TNR: variants seen among roughly 807,000 people sequenced by gnomAD.
The protein encoded by TNR is tenascin-R.
A neutral mutation model predicts 150.4 loss-of-function variants in TNR; 45 were observed. That is an observed-to-expected ratio of 0.30 (90% confidence interval 0.24 to 0.38). The LOEUF is 0.38. Among genes scored for constraint, TNR ranks in the 10% least tolerant of loss-of-function variants. The pLI is 1.00. For missense variants in TNR, 1,544 were observed against 1,759.1 expected (o/e 0.88, Z 2.19); for synonymous variants, 687 against 678.4 (o/e 1.01, Z -0.20).
At chr1:175,713,113 A>G (rs958173467) in intron 1 of TNR, among the ~76,000 whole-genome samples, 5 of 152,218 alleles carry the variant, frequency 3.3e-5, no homozygotes, top group African/African-American at 1.2e-4. Context: ...GCTGGACGAT[A>G]GGCTGGGATC....
rs1651535948 is a variant in TNR, at chr1:175,360,399, G to A, written c.2855-668C>T. ...CTTTTTGTTGCATTAAGAGTCAAGAGGATTCTTCCAGGCTTAGGTAGGTCA... is the reference window on the plus strand; with the variant it reads ...CTTTTTGTTGCATTAAGAGTCAAGAAGATTCTTCCAGGCTTAGGTAGGTCA... On this transcript the variant is annotated intron_variant, in intron 14 of 22. Coordinates refer to ENST00000367674, the MANE Select transcript of TNR (RefSeq NM_003285.3). 2.0e-5 allele frequency among the ~76,000 whole-genome samples: 3 copies of A among 152,318 alleles called. No homozygotes were observed. In the South Asian group the frequency reaches 6.2e-4, roughly 32 times the overall value.
chr1:175,662,046 T>C (rs1665392581), intron 1 of TNR, among the ~76,000 whole-genome samples: 1 of 152,092 alleles, frequency 6.6e-6, no homozygotes, highest in African/African-American at 2.4e-5. Context: ...GACACTTGCC[T>C]GTCTTCATGT....
intron 1 of TNR, among the ~76,000 whole-genome samples, chr1:175,665,278 C>G (rs1456116481): frequency 6.6e-6 from 1 of 152,158 alleles, no homozygotes; most frequent in African/African-American, 2.4e-5. Flanking sequence ...TCCTGGTATA[C>G]TAATTCTGTG....
chr1:175,721,451 C>T (rs1667296161), intron 1 of TNR, among the ~76,000 whole-genome samples: 1 of 152,168 alleles, frequency 6.6e-6, no homozygotes, highest in South Asian at 2.1e-4. Context: ...TAAACGTGTA[C>T]TGGCTGTGTT....
intron 1 of TNR, among the ~76,000 whole-genome samples, chr1:175,716,715 A>G (rs1448465286): frequency 6.6e-6 from 1 of 152,244 alleles, no homozygotes; most frequent in Non-Finnish European, 1.5e-5. Flanking sequence ...AGGATGAATT[A>G]ACCAGAAAAG....
intron 1 of TNR, among the ~76,000 whole-genome samples, chr1:175,704,972 C>T (rs1666806765): frequency 6.6e-6 from 1 of 152,092 alleles, no homozygotes; most frequent in South Asian, 2.1e-4. Flanking sequence ...GTTTCCTCAG[C>T]AAGGTGAAAA....
chr1:175,586,614 TTTATTC>T (rs1260469767), intron 1 of TNR, among the ~76,000 whole-genome samples: 3 of 152,190 alleles, frequency 2.0e-5, no homozygotes, highest in Admixed American at 1.3e-4. Context: ...CCCTGCTTTC[TTTATTC>T]TTATCATTCC....
chr1:175,709,902 C>T (rs192881499), intron 1 of TNR, among the ~76,000 whole-genome samples: 4 of 152,088 alleles, frequency 2.6e-5, no homozygotes, highest in African/African-American at 9.6e-5. Context: ...GTGAGGCCAA[C>T]ATTGCTGAAA....
intron 19 of TNR, among the ~76,000 whole-genome samples, chr1:175,336,114 A>T (rs1261887296): frequency 6.6e-6 from 1 of 152,210 alleles, no homozygotes; most frequent in Non-Finnish European, 1.5e-5. Flanking sequence ...TCAAGCCCTA[A>T]ATATCAGGGG....
intron 2 of TNR, among the ~76,000 whole-genome samples, chr1:175,491,399 AT>A (rs1658239956): frequency 6.6e-6 from 1 of 152,176 alleles, no homozygotes; most frequent in Admixed American, 6.5e-5. Flanking sequence ...AAAAAAATAA[AT>A]TCAAATGTTA....
At position 175,678,898 on chromosome 1, in the gene TNR, G is replaced by A. The variant is rs927297239; in HGVS notation, c.-165+64328C>T. ...CATCTGCATCATCAGAGTACAAGTG[G>A]AAAGCTGTGGTCAGTTGGGGTGACT... On this transcript the variant is annotated intron_variant, in intron 1 of 22. Transcript: ENST00000367674. Among the ~76,000 whole-genome samples, 2 of 152,180 alleles carry A rather than the reference G, an allele frequency of 1.3e-5. 1 individual carries two copies. The highest frequency in any genetic ancestry group is 2.9e-5 in the Non-Finnish European group (2 of 68,032).
At chr1:175,331,033 C>CTT (rs767580479) in intron 20 of TNR, among the ~76,000 whole-genome samples, 1 of 70,972 alleles carries the variant, frequency 1.4e-5, no homozygotes, top group Non-Finnish European at 3.0e-5. Flanking sequence ...TTCTTTCTTT[C>CTT]TTTCTTTCTT....
At chr1:175,344,793 C>T (rs1650698957) in intron 18 of TNR, among the ~76,000 whole-genome samples, 2 of 152,092 alleles carry the variant, frequency 1.3e-5, no homozygotes, top group South Asian at 4.1e-4. Context: ...TAAAAATCAT[C>T]AATTTTATAT....
intron 2 of TNR, among the ~76,000 whole-genome samples, chr1:175,470,904 G>A (rs187697704): frequency 6.6e-5 from 10 of 152,170 alleles, no homozygotes; most frequent in East Asian, 1.9e-4. Flanking sequence ...GTGGGAACTC[G>A]ATGACCACTG....
chr1:175,638,450 T>C (rs1664551304), intron 1 of TNR, among the ~76,000 whole-genome samples: 1 of 152,224 alleles, frequency 6.6e-6, no homozygotes, highest in Admixed American at 6.5e-5. Flanking sequence ...TTCCTTCGGA[T>C]GGCTTCGCGG....
At chr1:175,587,977 T>C (rs889338842) in intron 1 of TNR, among the ~76,000 whole-genome samples, 1 of 152,202 alleles carries the variant, frequency 6.6e-6, no homozygotes, top group Non-Finnish European at 1.5e-5. Context: ...ATGGGGGTCA[T>C]TGGCTTGACT....
intron 2 of TNR, among the ~76,000 whole-genome samples, chr1:175,473,627 G>A (rs1428487854): frequency 6.6e-6 from 1 of 152,186 alleles, no homozygotes; most frequent in Non-Finnish European, 1.5e-5. Flanking sequence ...CTTGGACATG[G>A]GATTTGGGTG....
intron 1 of TNR, among the ~76,000 whole-genome samples, chr1:175,561,509 A>C (rs1571609896): frequency 6.6e-6 from 1 of 152,190 alleles, no homozygotes; most frequent in East Asian, 1.9e-4. Context: ...ATCATGAATT[A>C]ATGGATGCAA....
chr1:175,569,270 T>C (rs981279902), intron 1 of TNR, among the ~76,000 whole-genome samples: 1 of 152,196 alleles, frequency 6.6e-6, no homozygotes, highest in African/African-American at 2.4e-5. Flanking sequence ...TCAAGAGCGC[T>C]TCAAGAGTGC....
Sources: gnomAD v4.1 joint callset for allele counts (sites outside exome capture counted in the v4.1 genomes callset) on GRCh38, gnomAD v4.1.1 for gene constraint, MANE v1.5 for transcripts, NCBI Gene and HGNC (gene_info 2026-07-23, HGNC 2026-07-21) for gene names.